The following SPIDR variants were observed in gnomAD, a reference collection of about 807,000 sequenced individuals.
SPIDR encodes the protein scaffold protein involved in DNA repair, also known as DNA repair-scaffolding protein.
In SPIDR, 93 loss-of-function variants were observed where a neutral mutation model predicts 104.6. The observed-to-expected ratio is 0.89, with a 90% CI of 0.75 to 1.06. The LOEUF is 1.06. SPIDR is among the 50% of genes least tolerant of loss of function. The probability of loss-of-function intolerance (pLI) is 0.00; values close to 1 mark genes in which losing one functional copy is unlikely to be tolerated. For synonymous variants in SPIDR, 431 were observed against 416.9 expected (o/e 1.03, Z -0.41); for missense variants, 1,154 against 1,111.2 (o/e 1.04, Z -0.55).
intron 5 of SPIDR, among the ~76,000 whole-genome samples, chr8:47,304,747 T>G (rs1229250514): frequency 2.6e-5 from 4 of 152,188 alleles, no homozygotes; most frequent in Non-Finnish European, 4.4e-5. Context: ...TTTTATAAAT[T>G]ACCCAGTCTC....
chr8:47,428,981 C>T (rs1563948286), intron 7 of SPIDR, among the ~76,000 whole-genome samples: 2 of 152,134 alleles, frequency 1.3e-5, no homozygotes, highest in Non-Finnish European at 2.9e-5. Context: ...CGTTTCAGTG[C>T]AGCAATGATA....
intron 8 of SPIDR, among the ~76,000 whole-genome samples, chr8:47,548,274 A>G (rs2089803741): frequency 1.3e-5 from 2 of 152,264 alleles, no homozygotes; most frequent in Non-Finnish European, 2.9e-5. Flanking sequence ...ATAATTACAT[A>G]TGCAGTGATT....
At chr8:47,601,471 G>A (rs964049703) in intron 10 of SPIDR, among the ~76,000 whole-genome samples, 2 of 152,136 alleles carry the variant, frequency 1.3e-5, no homozygotes, top group African/African-American at 2.4e-5. Context: ...CGAGGCGGGC[G>A]GATCTCGAGG....
At chr8:47,294,537 A>G (rs921173723) in intron 5 of SPIDR, 21 of 153,570 alleles carry the variant, frequency 1.4e-4, no homozygotes, top group Non-Finnish European at 2.9e-4. Context: ...CCCTCTCCCT[A>G]GAAGGTTCAG....
rs536212296 is a variant in SPIDR, at chr8:47,422,340, T to C, written c.877+14379T>C. 3.5e-3 allele frequency among the ~76,000 whole-genome samples: 535 copies of C among 152,264 alleles called. 4 individuals are homozygous for C. The highest frequency in any genetic ancestry group is 0.014 in the Middle Eastern group (4 of 294). On this transcript the variant is annotated intron_variant, in intron 7 of 19. Transcript: ENST00000297423. ...CCCCTCCCCCAGCCTCACTGCCCCCTTGCAGTTTGATTTCAGACTGCTGTG... is the reference window on the plus strand; with the variant it reads ...CCCCTCCCCCAGCCTCACTGCCCCCCTGCAGTTTGATTTCAGACTGCTGTG...
At chr8:47,629,551 G>A (rs890222464) in intron 10 of SPIDR, among the ~76,000 whole-genome samples, 9 of 152,172 alleles carry the variant, frequency 5.9e-5, no homozygotes, top group African/African-American at 1.9e-4. Flanking sequence ...TCAGGAGTTC[G>A]AGACCAGCCT....
chr8:47,494,707 G>A (rs1455823450), intron 8 of SPIDR, among the ~76,000 whole-genome samples: 2 of 152,036 alleles, frequency 1.3e-5, no homozygotes, highest in Non-Finnish European at 2.9e-5. Context: ...ATGCCACTTT[G>A]TATTGCTTTT....
chr8:47,284,121 G>C, intron 3 of SPIDR, 27 bp downstream of exon 3: 1 of 1,560,046 alleles, frequency 6.4e-7, no homozygotes, highest in Admixed American at 1.9e-5. Context: ...TTTCTTGACA[G>C]AGAAGATATA....
chr8:47,435,404 TTAAA>T (rs762796635), intron 7 of SPIDR, among the ~76,000 whole-genome samples: 5 of 152,142 alleles, frequency 3.3e-5, no homozygotes, highest in Non-Finnish European at 7.4e-5. Context: ...AGTTAGCTGA[TTAAA>T]TAACGAATTC....
intron 10 of SPIDR, among the ~76,000 whole-genome samples, chr8:47,605,761 A>G (rs1007183934): frequency 6.6e-6 from 1 of 152,230 alleles, no homozygotes. Context: ...GATGCTTCCC[A>G]TATGACAAGC....
In SPIDR at chr8:47,727,253, A is replaced by G. The variant is rs1259609584; in HGVS notation, c.2395A>G (p.Met799Val). 6.2e-7 allele frequency: 1 copy of G among 1,613,882 alleles called. No homozygotes were observed. The highest frequency in any genetic ancestry group is 8.5e-7 in the Non-Finnish European group (1 of 1,179,834). The change falls in exon 17 of 20, where the codon ATG becomes GTG. Residue 799 changes from methionine to valine, a missense_variant. Transcript: ENST00000297423. ...STAFSWPVCD[M>V]CGNGRLEQRP... is the part of the protein sequence containing the mutation. The stretch of plus-strand genomic sequence containing the variant: ...TGCTTTCTCATGGCCTGTGTGTGAC[A>G]TGTGTGGCAACGGGAGATTGGAACA...
chr8:47,299,571 GAT>G lies in SPIDR; in HGVS notation c.525+5544_525+5545del, dbSNP rs2041623077. On this transcript the variant is annotated intron_variant, in intron 5 of 19. Transcript: ENST00000297423. ...CTTCCAGTTTTTGCCCATTCAGTAT[GAT>G]ATTGGCTGTGGGTTTGTCATAAATA... Among the ~76,000 whole-genome samples, 3 of 152,136 alleles carry G rather than the reference GAT, an allele frequency of 2.0e-5. No individual in the cohort carries two copies. In the South Asian group the frequency reaches 6.2e-4, roughly 32 times the overall value.
rs1341956185 is a variant in SPIDR, at chr8:47,588,026, C to CATATAAATATAT, written c.1098-7780_1098-7779insAATATATATATA. Among the ~76,000 whole-genome samples the CATATAAATATAT allele has an allele frequency of 1.2e-3, 29 of 23,426 alleles. 11 individuals carry two copies. Among genetic ancestry groups the CATATAAATATAT allele is most frequent in the Admixed American group, 7.1e-3 (8 of 1,122 alleles). 15.4% of individuals were successfully genotyped at this position (23,426 alleles called of 152,430 possible). A position where few individuals can be genotyped will look rare whatever the true frequency, so the allele number is the denominator to read the frequency against. ...CTTTCCTTGCAACTTTTAAAATTAG[C>CATATAAATATAT]ATATATATATATATATATATATATA... On this transcript the variant is annotated intron_variant, in intron 8 of 19. Transcript: ENST00000297423.
chr8:47,525,609 T>C (rs1431645855), intron 8 of SPIDR, among the ~76,000 whole-genome samples: 2 of 146,388 alleles, frequency 1.4e-5, no homozygotes, highest in Non-Finnish European at 3.1e-5. Context: ...GAGACCAGCC[T>C]GGCCAACATG....
chr8:47,724,539 T>C (rs995913342), intron 16 of SPIDR, among the ~76,000 whole-genome samples: 3 of 152,228 alleles, frequency 2.0e-5, no homozygotes, highest in Admixed American at 6.5e-5. Context: ...AGTGATGACA[T>C]GTCCGCTGCA....
intron 5 of SPIDR, among the ~76,000 whole-genome samples, chr8:47,300,739 T>G (rs1202035651): frequency 6.6e-6 from 1 of 152,234 alleles, no homozygotes; most frequent in Non-Finnish European, 1.5e-5. Context: ...TTGTCCAGTT[T>G]CCATGTAGTT....
intron 5 of SPIDR, among the ~76,000 whole-genome samples, chr8:47,329,362 C>T (rs1248058204): frequency 5.3e-5 from 8 of 152,138 alleles, no homozygotes; most frequent in Admixed American, 2.0e-4. Flanking sequence ...TGAGCCACCG[C>T]GCCCGACCCA....
intron 10 of SPIDR, among the ~76,000 whole-genome samples, chr8:47,644,624 G>T (rs575616429): frequency 6.6e-6 from 1 of 152,266 alleles, no homozygotes; most frequent in African/African-American, 2.4e-5. Context: ...TAAAATGGAG[G>T]TTATGATGGT....
At chr8:47,274,239 T>C (rs2035912089) in intron 1 of SPIDR, among the ~76,000 whole-genome samples, 1 of 152,174 alleles carries the variant, frequency 6.6e-6, no homozygotes, top group South Asian at 2.1e-4. Flanking sequence ...GTCAAATGAT[T>C]TTACAATTTT....
Sources: allele counts gnomAD v4.1 joint callset (sites outside exome capture counted in the v4.1 genomes callset), GRCh38; gene constraint gnomAD v4.1.1; transcripts MANE v1.5; gene names NCBI Gene and HGNC (gene_info 2026-07-23, HGNC 2026-07-21).